Variants in CFAP20DC observed in about 807,000 individuals in gnomAD.
CFAP20DC encodes the protein protein CFAP20DC.
A neutral mutation model predicts 101.7 loss-of-function variants in CFAP20DC; 84 were observed. The observed-to-expected ratio is 0.83, with a 90% confidence interval of 0.69 to 0.99. CFAP20DC has a LOEUF of 0.99. Among genes scored for constraint, CFAP20DC ranks in the 50% least tolerant of loss-of-function variants. CFAP20DC has a pLI of 0.00. For missense variants in CFAP20DC, 1,007 were observed against 970.3 expected, an observed-to-expected ratio of 1.04 and a Z score of -0.50; for synonymous variants, 359 against 351.2, an observed-to-expected ratio of 1.02 and a Z score of -0.25.
Position 59,007,990 on chromosome 3 carries a change from C to T in CFAP20DC, c.278+31567G>A, listed in dbSNP as rs938304360. Among the ~76,000 whole-genome samples the T allele has an allele frequency of 6.6e-6, 1 of 152,190 alleles. No individual in the cohort carries two copies. ...CCAACAGACAGGCAGCCTCTGTGAT[C>T]ATGAAAGGCATTAGAGAAAGGGTCC... On this transcript the variant is annotated intron_variant, in intron 4 of 16. Transcript: ENST00000482387. The surrounding 1 kb of genome is among the most constrained non-coding windows in gnomAD (Gnocchi z 4.4).
intron 14 of CFAP20DC, among the ~76,000 whole-genome samples, chr3:58,814,265 G>A (rs2074930135): frequency 1.3e-5 from 2 of 151,866 alleles, no homozygotes. Flanking sequence ...GAAAATAGAA[G>A]TGGTTACAGA....
At chr3:58,890,049 T>C (rs1456150832) in intron 6 of CFAP20DC, among the ~76,000 whole-genome samples, 2 of 150,046 alleles carry the variant, frequency 1.3e-5, no homozygotes. Context: ...TCCTGGCCCG[T>C]TCTCAATGAG....
Position 58,717,622 on chromosome 3 carries a change from A to T in CFAP20DC, c.206T>A (p.Met69Lys), listed in dbSNP as rs1255355076. 6.6e-6 allele frequency: 3 copies of T among 452,154 alleles called. No individual in the cohort carries two copies. Among genetic ancestry groups the T allele is most frequent in the Non-Finnish European group, 8.9e-6 (2 of 225,814 alleles). The allele number at this position is 452,154 out of a possible 1,614,324, so 28.0% of individuals were successfully genotyped here. Residue 69 changes from methionine to lysine, a missense_variant, in exon 4 of 4, where the codon ATG becomes AAG. Physicochemically the swap from Met to Lys is moderately conservative, Grantham distance 95. Coordinates refer to the CFAP20DC transcript ENST00000486145. This position sits in a 1 kb window ranked among gnomAD's most constrained non-coding sequence, Gnocchi z 4.1. ...CAAAATGGCTGTAGCACTTCCAGAC[A>T]TTTCTTCTGCATTTCAGGTAGGAGA...
rs559819505 is a variant in CFAP20DC, at chr3:58,788,954, C to A, written c.2237+17441G>T. Among the ~76,000 whole-genome samples the A allele has an allele frequency of 1.4e-4, 21 of 152,246 alleles. No homozygotes were observed. The highest frequency in any genetic ancestry group is 3.9e-4 in the African/African-American group (16 of 41,558). Reference sequence around the variant, plus strand: ...ATATGAAAAATGGGTTGGAAAAAATCTGTGTCATAATTTGTAAGGGAACCC... The same window carrying A: ...ATATGAAAAATGGGTTGGAAAAAATATGTGTCATAATTTGTAAGGGAACCC... On this transcript the variant is annotated intron_variant, in intron 15 of 16. Coordinates refer to ENST00000482387, the MANE Select transcript of CFAP20DC (RefSeq NM_001394063.1). This position sits in a 1 kb window ranked among gnomAD's most constrained non-coding sequence, Gnocchi z 4.2.
At chr3:58,933,257 C>T (rs1266191805) in intron 5 of CFAP20DC, among the ~76,000 whole-genome samples, 2 of 151,796 alleles carry the variant, frequency 1.3e-5, no homozygotes, top group African/African-American at 4.8e-5. Context: ...TACAGGAGCA[C>T]CCAGATTCAT....
intron 6 of CFAP20DC, among the ~76,000 whole-genome samples, chr3:58,896,145 T>C (rs961408265): frequency 1.3e-5 from 2 of 152,222 alleles, no homozygotes; most frequent in African/African-American, 2.4e-5. Flanking sequence ...TCCATGAATT[T>C]ATCCATTTCT....
At chr3:58,839,062 AGAT>A (rs1211212329) in intron 13 of CFAP20DC, among the ~76,000 whole-genome samples, 69 of 152,348 alleles carry the variant, frequency 4.5e-4, no homozygotes, top group African/African-American at 1.5e-3. Flanking sequence ...TGGAGTGGGA[AGAT>A]GATAACTTTA....
chr3:58,716,987 C>A (rs1209680721), downstream of CFAP20DC, among the ~76,000 whole-genome samples: 1 of 152,140 alleles, frequency 6.6e-6, no homozygotes, highest in Non-Finnish European at 1.5e-5. Context: ...GTACCCTACA[C>A]CACTGGACCC....
chr3:59,041,206 T>C (rs1576813446), intron 3 of CFAP20DC, among the ~76,000 whole-genome samples: 2 of 152,110 alleles, frequency 1.3e-5, no homozygotes, highest in African/African-American at 4.8e-5. Context: ...CCCTAATTTA[T>C]GTCACAAATC....
chr3:58,774,978 C>T (rs1427777447), intron 15 of CFAP20DC, among the ~76,000 whole-genome samples: 2 of 152,070 alleles, frequency 1.3e-5, no homozygotes, highest in African/African-American at 2.4e-5. Context: ...TAAATACTTG[C>T]TAACTATTGT....
chr3:58,931,856 A>G (rs2086742121), intron 5 of CFAP20DC, among the ~76,000 whole-genome samples: 1 of 152,220 alleles, frequency 6.6e-6, no homozygotes, highest in East Asian at 1.9e-4. Flanking sequence ...AAACTCTAAA[A>G]AGCAGAGCAC....
chr3:58,826,409 G>A (rs1224952853), intron 14 of CFAP20DC, among the ~76,000 whole-genome samples: 4 of 152,062 alleles, frequency 2.6e-5, no homozygotes, highest in South Asian at 2.1e-4. Context: ...CCATCAACCC[G>A]TCATCTACAT....
At chr3:58,990,140 C>A (rs114007556) in intron 4 of CFAP20DC, among the ~76,000 whole-genome samples, 98 of 152,254 alleles carry the variant, frequency 6.4e-4, no homozygotes, top group Non-Finnish European at 1.3e-3. Flanking sequence ...GAACTGCAGT[C>A]CTGATCAGCC....
Position 58,882,180 on chromosome 3 carries a change from CACT to C in CFAP20DC, c.715+2362_715+2364del, listed in dbSNP as rs1222969143. ...CATTTCTGTATATATGACTCAAGTT[CACT>C]ACTATGCATTGAGAGCCCTTTTATG... On this transcript the variant is annotated intron_variant, in intron 7 of 16. Coordinates refer to ENST00000482387, the MANE Select transcript of CFAP20DC (RefSeq NM_001394063.1). The surrounding 1 kb of genome is among the most constrained non-coding windows in gnomAD (Gnocchi z 4.2). Among the ~76,000 whole-genome samples the C allele has an allele frequency of 2.6e-5, 4 of 152,088 alleles. No homozygotes were observed.
intron 1 of CFAP20DC, among the ~76,000 whole-genome samples, chr3:59,048,671 G>A (rs1382898205): frequency 6.6e-6 from 1 of 152,176 alleles, no homozygotes; most frequent in African/African-American, 2.4e-5. Flanking sequence ...AGACTACTCC[G>A]AGAGCACTCA....
chr3:58,931,495 C>A (rs889521701), intron 5 of CFAP20DC, among the ~76,000 whole-genome samples: 1 of 151,124 alleles, frequency 6.6e-6, no homozygotes, highest in Non-Finnish European at 1.5e-5. Context: ...ACCCCTGACC[C>A]CTGAGCAGCC....
intron 6 of CFAP20DC, among the ~76,000 whole-genome samples, chr3:58,911,107 T>C (rs1375870303): frequency 6.6e-6 from 1 of 152,110 alleles, no homozygotes; most frequent in East Asian, 1.9e-4. Context: ...ATATAGTAAC[T>C]GAAATTAAGA....
chr3:58,801,050 T>TGAGAGAGAGAGAGAGAGAGAGAGAGA lies in CFAP20DC; in HGVS notation c.2237+5344_2237+5345insTCTCTCTCTCTCTCTCTCTCTCTCTC, dbSNP rs143776206. ...GGGTGGGGTGGGGGTGGGGAGTAAG[T>TGAGAGAGAGAGAGAGAGAGAGAGAGA]GAGAGAGAGAGAGAGAGAGAGAGAA... On this transcript the variant is annotated intron_variant, in intron 15 of 16. Transcript: ENST00000482387. Among the ~76,000 whole-genome samples, 311 of 131,632 alleles carry TGAGAGAGAGAGAGAGAGAGAGAGAGA rather than the reference T, an allele frequency of 2.4e-3. 3 individuals are homozygous for TGAGAGAGAGAGAGAGAGAGAGAGAGA. The highest frequency in any genetic ancestry group is 8.7e-3 in the African/African-American group (277 of 31,762). The allele number at this position is 131,632 out of a possible 152,430, so 86.4% of individuals were successfully genotyped here.
rs553924560 is a variant in CFAP20DC at position 58,808,339 on chromosome 3, A to G, written c.2176-1883T>C. 7.9e-5 allele frequency among the ~76,000 whole-genome samples: 12 copies of G among 152,364 alleles called. 1 individual carries two copies. In the South Asian group the frequency reaches 2.5e-3, roughly 32 times the overall value. ...GAAAGGTCGGGGTACCCACAAAGGG[A>G]AGCCCATCAGACTAACAGCTGATCT... is the stretch of plus-strand genomic sequence containing the variant. On this transcript the variant is annotated intron_variant, in intron 14 of 16. Transcript: ENST00000482387.
Sources: allele counts gnomAD v4.1 joint callset (sites outside exome capture counted in the v4.1 genomes callset), GRCh38; gene constraint gnomAD v4.1.1; non-coding constraint Gnocchi (gnomAD v3.1); transcripts MANE v1.5; gene names NCBI Gene and HGNC (gene_info 2026-07-23, HGNC 2026-07-21).